Variants in PITPNM2 observed in about 807,000 individuals in gnomAD.
PITPNM2 encodes phosphatidylinositol transfer protein membrane associated 2.
In PITPNM2, 35 loss-of-function variants were observed where a neutral mutation model predicts 132.2. That is an observed-to-expected ratio of 0.26 (90% CI 0.20 to 0.35). The LOEUF is 0.35. Ranked by LOEUF, PITPNM2 falls within the 10% of genes least tolerant of loss-of-function variation. The probability of loss-of-function intolerance (pLI) is 1.00; values close to 1 mark genes in which losing one functional copy is unlikely to be tolerated. For missense variants in PITPNM2, 1,332 were observed against 1,912.0 expected (o/e 0.70, Z 5.66); for synonymous variants, 738 against 799.2 (o/e 0.92, Z 1.29).
intron 2 of PITPNM2, among the ~76,000 whole-genome samples, chr12:123,072,274 A>G (rs2136917173): frequency 6.6e-6 from 1 of 152,316 alleles, no homozygotes; most frequent in Non-Finnish European, 1.5e-5. Flanking sequence ...CGAGAGGTCA[A>G]AGGAATTCTC....
rs892750666 is a variant in PITPNM2, at chr12:123,058,544, C to G, written c.-95-23859G>C. On this transcript the variant is annotated intron_variant, in intron 2 of 25. Transcript: ENST00000320201. This position sits in a 1 kb window ranked among gnomAD's most constrained non-coding sequence, Gnocchi z 4.0. ...CCCACCCACAGCCTCTCCAGGGCCT[C>G]TCTCACTCCACCATTCACCTGCTGT... is the stretch of plus-strand genomic sequence containing the variant. Among the ~76,000 whole-genome samples the G allele has an allele frequency of 6.6e-6, 1 of 152,222 alleles. No homozygotes were observed. The highest frequency in any genetic ancestry group is 2.4e-5 in the African/African-American group (1 of 41,456).
chr12:123,129,039 G>A (rs889778342), intron 1 of PITPNM2, among the ~76,000 whole-genome samples: 1 of 151,974 alleles, frequency 6.6e-6, no homozygotes, highest in Admixed American at 6.6e-5. Context: ...GGAGGCTGAG[G>A]CAGAAGAATT....
At chr12:123,096,883 C>T (rs2042423832) in intron 2 of PITPNM2, among the ~76,000 whole-genome samples, 1 of 152,128 alleles carries the variant, frequency 6.6e-6, no homozygotes, top group Non-Finnish European at 1.5e-5. Context: ...CTCCCCGGCC[C>T]CTCTGCAGCA....
intron 2 of PITPNM2, among the ~76,000 whole-genome samples, chr12:123,101,332 CCT>C (rs1331586147): frequency 6.6e-6 from 1 of 152,220 alleles, no homozygotes; most frequent in African/African-American, 2.4e-5. Flanking sequence ...CCTCCCCACT[CCT>C]CTCTCACTGT....
At chr12:123,112,716 T>C (rs577345961) in intron 1 of PITPNM2, among the ~76,000 whole-genome samples, 122 of 152,186 alleles carry the variant, frequency 8.0e-4, no homozygotes, top group Admixed American at 1.6e-3. Context: ...TTTTTTGTAT[T>C]TTTAGTAGAG....
chr12:123,017,369 CAAAA>C (rs369237271), intron 3 of PITPNM2, among the ~76,000 whole-genome samples: 1 of 90,690 alleles, frequency 1.1e-5, no homozygotes. Context: ...GACTCCATCT[CAAAA>C]AAAAAAAAAA....
At chr12:123,125,445 G>A (rs1360422299) in intron 1 of PITPNM2, among the ~76,000 whole-genome samples, 12 of 152,136 alleles carry the variant, frequency 7.9e-5, no homozygotes. Flanking sequence ...CATTTAAGTT[G>A]ATGCTACAGA....
chr12:122,992,484 G>C lies in PITPNM2; in HGVS notation c.2404+15C>G. On this transcript the variant is annotated intron_variant, in intron 16 of 25. Transcript: ENST00000320201. The surrounding 1 kb of genome is among the most constrained non-coding windows in gnomAD (Gnocchi z 6.5). ...CACCTTCCCCCAGAGGAGTGGGGCG[G>C]AATGTGCCTCTCACCCAGCAGCGTG... The C allele has an allele frequency of 6.2e-7, 1 of 1,605,640 alleles. No homozygotes were observed. Among genetic ancestry groups the C allele is most frequent in the Non-Finnish European group, 8.5e-7 (1 of 1,176,928 alleles).
At position 122,988,367 on chromosome 12, in the gene PITPNM2, G is replaced by C. The variant is rs779148577; in HGVS notation, c.2881-17C>G. On this transcript the variant is annotated splice_polypyrimidine_tract_variant and intron_variant, in intron 19 of 25. Transcript: ENST00000320201. The stretch of plus-strand genomic sequence containing the variant: ...CCTCATGACCTGGGAAGAGGGGACA[G>C]TGCAGGCTGTGGGGCAGATGCCACC... 6.2e-7 allele frequency: 1 copy of C among 1,607,900 alleles called. No homozygotes were observed. The highest frequency in any genetic ancestry group is 2.2e-5 in the East Asian group (1 of 44,820).
Position 123,004,719 on chromosome 12 carries a change from G to A in PITPNM2, c.953-230C>T. 1 of 604,850 alleles carries A rather than the reference G, an allele frequency of 1.7e-6. No homozygotes were observed. Among genetic ancestry groups the A allele is most frequent in the Non-Finnish European group, 3.0e-6 (1 of 337,064 alleles). The allele number at this position is 604,850 out of a possible 1,614,324, so 37.5% of individuals were successfully genotyped here. A position where few individuals can be genotyped will look rare whatever the true frequency, so the allele number is the denominator to read the frequency against. On this transcript the variant is annotated intron_variant, in intron 7 of 25. Coordinates refer to ENST00000320201, the MANE Select transcript of PITPNM2 (RefSeq NM_020845.3). This position sits in a 1 kb window ranked among gnomAD's most constrained non-coding sequence, Gnocchi z 4.9. ...AGGCAGTCATGTCCCGGGGAGCATGGGTGGGGAAGAGCATGACAGACATAA... is the reference window on the plus strand; with the variant it reads ...AGGCAGTCATGTCCCGGGGAGCATGAGTGGGGAAGAGCATGACAGACATAA...
At chr12:123,069,509 G>A (rs1385795735) in intron 2 of PITPNM2, among the ~76,000 whole-genome samples, 2 of 152,124 alleles carry the variant, frequency 1.3e-5, no homozygotes, top group Admixed American at 6.5e-5. Flanking sequence ...TGGGCTTGCT[G>A]GGGTCCCTAT....
Position 123,034,605 on chromosome 12 carries a change from C to T in PITPNM2, c.-15G>A. 6.2e-7 allele frequency: 1 copy of T among 1,613,410 alleles called. No individual in the cohort carries two copies. Among genetic ancestry groups the T allele is most frequent in the Non-Finnish European group, 8.5e-7 (1 of 1,179,320 alleles). On this transcript the variant is annotated 5_prime_UTR_variant, in exon 3 of 26. Coordinates refer to ENST00000320201, the MANE Select transcript of PITPNM2 (RefSeq NM_020845.3). ...TTTATAATCATCTTGGAGTCCAAGC[C>T]TTCCCGTCGATGGGGAACTGCAAGT...
chr12:123,140,493 T>G (rs1407390892), intron 1 of PITPNM2, among the ~76,000 whole-genome samples: 2 of 152,104 alleles, frequency 1.3e-5, no homozygotes, highest in African/African-American at 2.4e-5. Context: ...GAGACTAAGC[T>G]GGCTCTGGCT....
At chr12:123,100,755 T>C (rs939731757) in intron 2 of PITPNM2, among the ~76,000 whole-genome samples, 1 of 152,218 alleles carries the variant, frequency 6.6e-6, no homozygotes, top group African/African-American at 2.4e-5. Flanking sequence ...TCCATTCATA[T>C]GAAATGTCCG....
chr12:122,988,225 G>A lies in PITPNM2; in HGVS notation c.2997+9C>T, dbSNP rs756831992. 2.0e-5 allele frequency: 32 copies of A among 1,611,172 alleles called. 1 individual carries two copies. The highest frequency in any genetic ancestry group is 2.5e-5 in the Non-Finnish European group (29 of 1,179,066). ...ATCGTGGGGGCCTGGGCGCCCGGGG[G>A]ACCCTCACCCGCAGCTTCACGTGGG... On this transcript the variant is annotated intron_variant, in intron 20 of 25. Transcript: ENST00000320201.
chr12:123,125,543 C>T (rs1242228607), intron 1 of PITPNM2, among the ~76,000 whole-genome samples: 4 of 151,934 alleles, frequency 2.6e-5, no homozygotes, highest in African/African-American at 7.3e-5. Flanking sequence ...TAGCAGAACG[C>T]AAAGAAAATG....
intron 1 of PITPNM2, among the ~76,000 whole-genome samples, chr12:123,124,901 T>C (rs2043106862): frequency 6.6e-6 from 1 of 152,250 alleles, no homozygotes. Flanking sequence ...AATTTATCTT[T>C]AGAATCTTGC....
intron 2 of PITPNM2, among the ~76,000 whole-genome samples, chr12:123,044,827 G>T (rs1422138765): frequency 2.0e-5 from 3 of 152,136 alleles, no homozygotes; most frequent in Non-Finnish European, 4.4e-5. Flanking sequence ...TCTTTACCCA[G>T]GCTAGATAGA....
At chr12:123,048,886 C>T (rs924482863) in intron 2 of PITPNM2, among the ~76,000 whole-genome samples, 1 of 152,074 alleles carries the variant, frequency 6.6e-6, no homozygotes, top group African/African-American at 2.4e-5. Context: ...ATAATCCCAG[C>T]ATTTTGGGAG....
Sources: gnomAD v4.1 joint callset for allele counts (sites outside exome capture counted in the v4.1 genomes callset) on GRCh38, gnomAD v4.1.1 for gene constraint, Gnocchi (gnomAD v3.1) non-coding constraint, MANE v1.5 for transcripts, NCBI Gene and HGNC (gene_info 2026-07-23, HGNC 2026-07-21) for gene names.